Variants in LDLRAD3 observed in about 807,000 individuals in gnomAD.
LDLRAD3 encodes the protein low-density lipoprotein receptor class A domain-containing protein 3.
LDLRAD3 carries 20 observed loss-of-function variants against 29.4 expected under a neutral mutation model. That is an observed-to-expected ratio of 0.68 (90% confidence interval 0.48 to 0.99). The LOEUF (loss-of-function observed/expected upper bound fraction) is 0.99. Ranked by LOEUF, LDLRAD3 falls within the 50% of genes least tolerant of loss-of-function variation. The pLI is 0.00. For missense variants in LDLRAD3, 420 were observed against 454.3 expected (o/e 0.92, Z 0.69); for synonymous variants, 157 against 192.7 (o/e 0.81, Z 1.53).
At chr11:36,208,598 T>C (rs1007616611) in intron 4 of LDLRAD3, among the ~76,000 whole-genome samples, 3 of 152,248 alleles carry the variant, frequency 2.0e-5, no homozygotes, top group Non-Finnish European at 4.4e-5. Flanking sequence ...GCAGTACTTG[T>C]ATTTTGGAGG....
chr11:35,972,180 C>G (rs981170640), intron 1 of LDLRAD3, among the ~76,000 whole-genome samples: 4 of 151,922 alleles, frequency 2.6e-5, no homozygotes, highest in African/African-American at 9.7e-5. Context: ...CTGTGAAACC[C>G]CAGAGTTTCA....
intron 2 of LDLRAD3, among the ~76,000 whole-genome samples, chr11:36,069,076 A>G (rs1394924006): frequency 6.6e-6 from 1 of 152,176 alleles, no homozygotes; most frequent in Non-Finnish European, 1.5e-5. Flanking sequence ...ACATTGCAAT[A>G]TCTGATCAAT....
At chr11:36,014,019 A>G (rs1565162110) in intron 1 of LDLRAD3, among the ~76,000 whole-genome samples, 2 of 152,278 alleles carry the variant, frequency 1.3e-5, no homozygotes, top group East Asian at 3.9e-4. Context: ...CTTTCTTTTG[A>G]AACCTTTCCT....
chr11:36,198,770 C>T (rs890802969), intron 4 of LDLRAD3, among the ~76,000 whole-genome samples: 1 of 152,198 alleles, frequency 6.6e-6, no homozygotes. Flanking sequence ...GATCCAGAGG[C>T]TTTATGGCTG....
chr11:36,105,257 G>T (rs1853511938), intron 4 of LDLRAD3, among the ~76,000 whole-genome samples: 1 of 151,658 alleles, frequency 6.6e-6, no homozygotes, highest in Admixed American at 6.6e-5. Flanking sequence ...GAGAGAGAGA[G>T]AGAGAAAGAC....
chr11:35,984,719 C>T (rs1446280831), intron 1 of LDLRAD3, among the ~76,000 whole-genome samples: 1 of 152,084 alleles, frequency 6.6e-6, no homozygotes, highest in Non-Finnish European at 1.5e-5. Context: ...GCAGCCTCCG[C>T]CTTCCGGGGT....
intron 1 of LDLRAD3, among the ~76,000 whole-genome samples, chr11:35,994,927 C>A (rs868195028): frequency 6.6e-6 from 1 of 152,198 alleles, no homozygotes; most frequent in Non-Finnish European, 1.5e-5. Context: ...TTAGGCTCCA[C>A]TTCTAATTCT....
intron 4 of LDLRAD3, among the ~76,000 whole-genome samples, chr11:36,188,380 A>AG (rs1854888238): frequency 7.1e-6 from 1 of 141,130 alleles, no homozygotes; most frequent in African/African-American, 3.1e-5. Context: ...GCAAAAAAAA[A>AG]AAAAAAAAAA....
rs914869826 is a variant in LDLRAD3 at position 36,213,174 on chromosome 11, C to G, written c.455-13911C>G. Among the ~76,000 whole-genome samples the G allele has an allele frequency of 6.6e-6, 1 of 151,916 alleles. No homozygotes were observed. Among genetic ancestry groups the G allele is most frequent in the Non-Finnish European group, 1.5e-5 (1 of 68,008 alleles). Reference sequence around the variant, plus strand: ...ATCCTCGGGCACTTGTCTCCCAGCTCTCAATGGTCCTGGTTCCCAGCATCC... The same window carrying G: ...ATCCTCGGGCACTTGTCTCCCAGCTGTCAATGGTCCTGGTTCCCAGCATCC... On this transcript the variant is annotated intron_variant, in intron 4 of 5. Transcript: ENST00000315571. This position sits in a 1 kb window ranked among gnomAD's most constrained non-coding sequence, Gnocchi z 4.1.
chr11:36,068,894 AAAGAG>A (rs1852845236), intron 2 of LDLRAD3, among the ~76,000 whole-genome samples: 1 of 152,206 alleles, frequency 6.6e-6, no homozygotes, highest in African/African-American at 2.4e-5. Context: ...TCTCAGCATA[AAAGAG>A]AAGAGTTTTG....
chr11:36,173,876 A>G (rs1307453778), intron 4 of LDLRAD3, among the ~76,000 whole-genome samples: 3 of 152,124 alleles, frequency 2.0e-5, no homozygotes, highest in East Asian at 1.9e-4. Context: ...TAAAGTTCAT[A>G]TGGAACTAAA....
At chr11:35,973,398 T>C (rs566218088) in intron 1 of LDLRAD3, among the ~76,000 whole-genome samples, 1 of 152,320 alleles carries the variant, frequency 6.6e-6, no homozygotes, top group South Asian at 2.1e-4. Flanking sequence ...TCATTCTAAA[T>C]ACCTGTAGAA....
chr11:36,217,117 AAG>A lies in LDLRAD3; in HGVS notation c.455-9965_455-9964del, dbSNP rs760891364. On this transcript the variant is annotated intron_variant, in intron 4 of 5. Transcript: ENST00000315571. Reference sequence around the variant, plus strand: ...TGTATATCAAAGGAAGAGTAGAAGAAAGAGGTTCAGTGCTCACTGCTCAGCAT... The same window carrying A: ...TGTATATCAAAGGAAGAGTAGAAGAAAGGTTCAGTGCTCACTGCTCAGCAT... Among the ~76,000 whole-genome samples, 3 of 152,336 alleles carry A rather than the reference AAG, an allele frequency of 2.0e-5. No individual in the cohort carries two copies. In the East Asian group the frequency reaches 5.8e-4, roughly 29 times the overall value.
intron 4 of LDLRAD3, among the ~76,000 whole-genome samples, chr11:36,205,109 C>T (rs890526596): frequency 7.9e-5 from 12 of 152,174 alleles, no homozygotes; most frequent in African/African-American, 1.7e-4. Context: ...ACTCCAGCGC[C>T]ATGTTCTGTT....
At chr11:36,100,432 T>C (rs145199984) in intron 4 of LDLRAD3, among the ~76,000 whole-genome samples, 214 of 152,204 alleles carry the variant, frequency 1.4e-3, no homozygotes, top group Middle Eastern at 0.01. Flanking sequence ...TCTATGGCGA[T>C]TGTTTCTTTT....
At position 36,142,737 on chromosome 11, in the gene LDLRAD3, A is replaced by T. The variant is rs191854521; in HGVS notation, c.454+44276A>T. ...AAAGGGAAGCCCCCAACCCAGCTGCAGCCAGGCATTTTCAAGCAGGAGGGC... is the reference window on the plus strand; with the variant it reads ...AAAGGGAAGCCCCCAACCCAGCTGCTGCCAGGCATTTTCAAGCAGGAGGGC... On this transcript the variant is annotated intron_variant, in intron 4 of 5. Transcript: ENST00000315571. Among the ~76,000 whole-genome samples, 5 of 152,334 alleles carry T rather than the reference A, an allele frequency of 3.3e-5. No homozygotes were observed. In the East Asian group the frequency reaches 9.7e-4, roughly 29 times the overall value.
intron 4 of LDLRAD3, among the ~76,000 whole-genome samples, chr11:36,211,587 C>T (rs1029642589): frequency 2.6e-5 from 4 of 152,114 alleles, no homozygotes; most frequent in Non-Finnish European, 5.9e-5. Flanking sequence ...GGACCTGCCC[C>T]TGAGTTGGAC....
chr11:36,230,694 T>C lies in LDLRAD3; in HGVS notation c.*1297T>C, dbSNP rs1180628090. 6.5e-6 allele frequency: 1 copy of C among 152,686 alleles called. No individual in the cohort carries two copies. Among genetic ancestry groups the C allele is most frequent in the Non-Finnish European group, 1.5e-5 (1 of 68,048 alleles). 9.5% of individuals were successfully genotyped at this position (152,686 alleles called of 1,614,324 possible). A position where few individuals can be genotyped will look rare whatever the true frequency, so the allele number is the denominator to read the frequency against. On this transcript the variant is annotated 3_prime_UTR_variant, in exon 6 of 6. Coordinates refer to ENST00000315571, the MANE Select transcript of LDLRAD3 (RefSeq NM_174902.4). The stretch of plus-strand genomic sequence containing the variant: ...AGTGTGTTTGTTTTTTCCCTTCTAG[T>C]TAAGGGACTATTTATATGTGTATAG...
chr11:36,060,149 T>C (rs1565192851), intron 2 of LDLRAD3, among the ~76,000 whole-genome samples: 1 of 152,104 alleles, frequency 6.6e-6, no homozygotes, highest in Non-Finnish European at 1.5e-5. Flanking sequence ...GGTCAGGTGA[T>C]TGAGACCATC....
Sources: allele counts gnomAD v4.1 joint callset (sites outside exome capture counted in the v4.1 genomes callset), GRCh38; gene constraint gnomAD v4.1.1; non-coding constraint Gnocchi (gnomAD v3.1); transcripts MANE v1.5; gene names NCBI Gene and HGNC (gene_info 2026-07-23, HGNC 2026-07-21).